The following DACH1 variants were observed in gnomAD, a reference collection of about 807,000 sequenced individuals.
DACH1 encodes dachshund family transcription factor 1, also known as dachshund homolog 1.
In DACH1, 12 loss-of-function variants were observed where a neutral mutation model predicts 54.2. The ratio of observed to expected loss-of-function variants is 0.22; its 90% confidence interval spans 0.14 to 0.36. DACH1 has a LOEUF of 0.36. Among genes scored for constraint, DACH1 ranks in the 10% least tolerant of loss-of-function variants. The pLI, the probability that DACH1 is intolerant of heterozygous loss-of-function variation, is 1.00. For missense variants in DACH1, 805 were observed against 929.8 expected (o/e 0.87, Z 1.75); for synonymous variants, 386 against 366.2 (o/e 1.05, Z -0.62).
At chr13:71,663,930 T>A (rs1879669470) in intron 2 of DACH1, among the ~76,000 whole-genome samples, 1 of 151,958 alleles carries the variant, frequency 6.6e-6, no homozygotes, top group Admixed American at 6.6e-5. Flanking sequence ...TTTAAGTGAA[T>A]CACCTGTTGG....
intron 1 of DACH1, among the ~76,000 whole-genome samples, chr13:71,714,775 G>T (rs1162588761): frequency 6.6e-6 from 1 of 151,916 alleles, no homozygotes; most frequent in Non-Finnish European, 1.5e-5. Flanking sequence ...AATATTTAGG[G>T]CACCAATAAG....
intron 2 of DACH1, among the ~76,000 whole-genome samples, chr13:71,631,915 A>T (rs1249426862): frequency 6.6e-6 from 1 of 152,092 alleles, no homozygotes; most frequent in African/African-American, 2.4e-5. Flanking sequence ...CCTGGGCAAC[A>T]GGATAAAACC....
At chr13:71,794,568 G>T (rs1316227297) in intron 1 of DACH1, among the ~76,000 whole-genome samples, 1 of 152,068 alleles carries the variant, frequency 6.6e-6, no homozygotes, top group Non-Finnish European at 1.5e-5. Context: ...CTCTCATACA[G>T]GTGGGATTAC....
At chr13:71,669,159 A>C (rs1382952327) in intron 2 of DACH1, among the ~76,000 whole-genome samples, 1 of 152,142 alleles carries the variant, frequency 6.6e-6, no homozygotes, top group African/African-American at 2.4e-5. Flanking sequence ...TGATCACATT[A>C]GCTCAGGGGT....
chr13:71,746,905 C>A (rs1884623792), intron 1 of DACH1, among the ~76,000 whole-genome samples: 1 of 151,802 alleles, frequency 6.6e-6, no homozygotes, highest in East Asian at 1.9e-4. Context: ...ATATTTCCTG[C>A]CAAAAATATT....
chr13:71,678,097 T>C (rs948252648), intron 2 of DACH1, among the ~76,000 whole-genome samples: 1 of 152,194 alleles, frequency 6.6e-6, no homozygotes, highest in Non-Finnish European at 1.5e-5. Flanking sequence ...CTTGAAGATA[T>C]ATTTACATCT....
intron 2 of DACH1, among the ~76,000 whole-genome samples, chr13:71,656,684 T>C (rs1349480874): frequency 6.6e-6 from 1 of 151,716 alleles, no homozygotes; most frequent in African/African-American, 2.4e-5. Context: ...GCTGACAAAT[T>C]AGCTTTCTCT....
intron 1 of DACH1, among the ~76,000 whole-genome samples, chr13:71,743,880 AT>A (rs1884502514): frequency 1.3e-5 from 2 of 152,264 alleles, no homozygotes; most frequent in Non-Finnish European, 2.9e-5. Context: ...GCTTCTCCTA[AT>A]TATGTTGAAA....
chr13:71,742,313 T>A (rs1019012263), intron 1 of DACH1, among the ~76,000 whole-genome samples: 7 of 152,098 alleles, frequency 4.6e-5, no homozygotes, highest in Non-Finnish European at 8.8e-5. Flanking sequence ...GGAACCCAAG[T>A]TTTTACTGAT....
chr13:71,688,548 T>C (rs941501529), intron 1 of DACH1, among the ~76,000 whole-genome samples: 32 of 152,212 alleles, frequency 2.1e-4, no homozygotes, highest in African/African-American at 7.0e-4. Flanking sequence ...ACTTTTAGTG[T>C]TCTCTGTGTA....
chr13:71,726,493 G>T (rs2137898525), intron 1 of DACH1, among the ~76,000 whole-genome samples: 1 of 152,062 alleles, frequency 6.6e-6, no homozygotes, highest in African/African-American at 2.4e-5. Flanking sequence ...AAGTAAAAAA[G>T]TATACGCCTA....
chr13:71,722,086 T>C (rs939357848), intron 1 of DACH1, among the ~76,000 whole-genome samples: 2 of 152,208 alleles, frequency 1.3e-5, no homozygotes, highest in Non-Finnish European at 2.9e-5. Flanking sequence ...CTTAGCAGTA[T>C]ACAACCAGCA....
Position 71,796,725 on chromosome 13 carries a change from T to A in DACH1, c.848+69197A>T, listed in dbSNP as rs542193943. Among the ~76,000 whole-genome samples, 36 of 152,200 alleles carry A rather than the reference T, an allele frequency of 2.4e-4. 1 individual carries two copies. Among genetic ancestry groups the A allele is most frequent in the South Asian group, 6.2e-4 (3 of 4,828 alleles). ...ATAGAGACACATCACACACTTTGTATAAAAGACAAGTAATATATAGTACTA... is the reference window on the plus strand; with the variant it reads ...ATAGAGACACATCACACACTTTGTAAAAAAGACAAGTAATATATAGTACTA... On this transcript the variant is annotated intron_variant, in intron 1 of 10. Transcript: ENST00000613252.
chr13:71,475,997 C>T, intron 8 of DACH1, 148 bp from the exon 9 acceptor site: 1 of 548,684 alleles, frequency 1.8e-6, no homozygotes, highest in Non-Finnish European at 2.8e-6. Flanking sequence ...CAAAAATCTC[C>T]ACCTTTATCT....
chr13:71,504,260 G>A (rs985822834), intron 6 of DACH1, among the ~76,000 whole-genome samples: 1 of 151,886 alleles, frequency 6.6e-6, no homozygotes. Flanking sequence ...TAATACCTAT[G>A]TTTAAATTTA....
At chr13:71,488,774 A>T (rs1878745460) in intron 7 of DACH1, among the ~76,000 whole-genome samples, 1 of 151,342 alleles carries the variant, frequency 6.6e-6, no homozygotes, top group Non-Finnish European at 1.5e-5. Context: ...CTAAGTTTTT[A>T]TTATGGCTTA....
At chr13:71,452,768 C>A (rs1875185116) in intron 10 of DACH1, among the ~76,000 whole-genome samples, 1 of 152,118 alleles carries the variant, frequency 6.6e-6, no homozygotes, top group Non-Finnish European at 1.5e-5. Flanking sequence ...GTTTTAATGG[C>A]AAATTTACAA....
At chr13:71,499,610 G>C (rs1879742718) in intron 6 of DACH1, among the ~76,000 whole-genome samples, 1 of 152,104 alleles carries the variant, frequency 6.6e-6, no homozygotes, top group Admixed American at 6.5e-5. Context: ...CCTAATTAAA[G>C]GTGATATGCC....
intron 3 of DACH1, among the ~76,000 whole-genome samples, chr13:71,586,950 T>C (rs1347171197): frequency 6.6e-6 from 1 of 152,242 alleles, no homozygotes; most frequent in East Asian, 1.9e-4. Context: ...TTCGGTTAAA[T>C]TTCTATTTTT....
Sources: allele counts gnomAD v4.1 joint callset (sites outside exome capture counted in the v4.1 genomes callset), GRCh38; gene constraint gnomAD v4.1.1; transcripts MANE v1.5; gene names NCBI Gene and HGNC (gene_info 2026-07-23, HGNC 2026-07-21).